CPB1: variants seen among roughly 807,000 people sequenced by gnomAD.
CPB1 encodes carboxypeptidase B1.
In CPB1, 53 loss-of-function variants were observed where a neutral mutation model predicts 51.4. The ratio of observed to expected loss-of-function variants is 1.03; its 90% CI spans 0.83 to 1.30. The LOEUF (loss-of-function observed/expected upper bound fraction) is 1.30, where lower values mean the gene tolerates loss of function less well. CPB1 is among the 50% of genes most tolerant of loss of function. The pLI, the probability that CPB1 is intolerant of heterozygous loss-of-function variation, is 0.00. For missense variants in CPB1, 494 were observed against 516.2 expected, an observed-to-expected ratio of 0.96 and a Z score of 0.42; for synonymous variants, 189 against 186.9, an observed-to-expected ratio of 1.01 and a Z score of -0.09.
At chr3:148,836,830 C>T (rs1166480384) in intron 3 of CPB1, among the ~76,000 whole-genome samples, 2 of 152,082 alleles carry the variant, frequency 1.3e-5, no homozygotes, top group African/African-American at 2.4e-5. Flanking sequence ...CATATGGTAA[C>T]TAGTATTTAG....
At chr3:148,837,815 TTAAC>T (rs1293081385) in intron 3 of CPB1, among the ~76,000 whole-genome samples, 1 of 152,028 alleles carries the variant, frequency 6.6e-6, no homozygotes, top group African/African-American at 2.4e-5. Context: ...CATCTTCAAT[TTAAC>T]TAACTGGTTT....
At chr3:148,841,098 C>T in intron 5 of CPB1, 123 bp downstream of exon 5, 1 of 734,836 alleles carries the variant, frequency 1.4e-6, no homozygotes, top group Non-Finnish European at 2.2e-6. Context: ...TTCCTGCCTA[C>T]ATCCCCGAGG....
chr3:148,842,712 A>G (rs537906112), intron 6 of CPB1, among the ~76,000 whole-genome samples: 1 of 152,222 alleles, frequency 6.6e-6, no homozygotes, highest in East Asian at 1.9e-4. Flanking sequence ...GAGAAACAGG[A>G]TATTTACAGA....
chr3:148,847,528 G>A (rs1713293675), intron 9 of CPB1, among the ~76,000 whole-genome samples: 1 of 152,060 alleles, frequency 6.6e-6, no homozygotes, highest in Non-Finnish European at 1.5e-5. Context: ...GCCAAATGGT[G>A]TAAAAATGTT....
intron 2 of CPB1, 85 bp from the exon 3 acceptor site, chr3:148,834,413 C>A: frequency 8.0e-7 from 1 of 1,250,064 alleles, no homozygotes; most frequent in Non-Finnish European, 1.2e-6. Context: ...GAAAATAACT[C>A]AATTCAGTAG....
chr3:148,831,784 T>C (rs1383404218), intron 2 of CPB1, among the ~76,000 whole-genome samples: 1 of 152,214 alleles, frequency 6.6e-6, no homozygotes, highest in African/African-American at 2.4e-5. Context: ...ATCTACATCC[T>C]ATATTTCACT....
rs142008836 is a variant in CPB1, at chr3:148,844,504, C to G, written c.603C>G (p.Ile201Met). ...REAVRTYGRE[I>M]QVTELLDKLD... The stretch of plus-strand genomic sequence containing the variant: ...CTGTTCGTACCTATGGACGTGAGAT[C>G]CAAGTGACAGAGCTTCTCGACAAGT... Residue 201 changes from isoleucine to methionine, a missense_variant, in exon 7 of 11, where the codon ATC becomes ATG. Transcript: ENST00000282957. The G allele has an allele frequency of 6.2e-7, 1 of 1,613,824 alleles. No individual in the cohort carries two copies. Among genetic ancestry groups the G allele is most frequent in the African/African-American group, 1.3e-5 (1 of 75,044 alleles).
At chr3:148,840,018 G>A (rs1471408625) in intron 3 of CPB1, among the ~76,000 whole-genome samples, 1 of 151,972 alleles carries the variant, frequency 6.6e-6, no homozygotes, top group Non-Finnish European at 1.5e-5. Flanking sequence ...TAAATAGTAG[G>A]CCTCAAAGAT....
At chr3:148,833,713 G>A (rs933963867) in intron 2 of CPB1, among the ~76,000 whole-genome samples, 3 of 150,590 alleles carry the variant, frequency 2.0e-5, no homozygotes, top group African/African-American at 7.4e-5. Flanking sequence ...ACTGAAAGGT[G>A]TTACTTAAAA....
At position 148,833,402 on chromosome 3, in the gene CPB1, C is replaced by T. The variant is rs557657162; in HGVS notation, c.148-1096C>T. Among the ~76,000 whole-genome samples, 83 of 152,308 alleles carry T rather than the reference C, an allele frequency of 5.4e-4. 2 individuals carry two copies. In the South Asian group the frequency reaches 0.017, roughly 31 times the overall value. ...AGAATATAGGTTACTGGGAGCCCCACAAGTGTATCTGAAACTGAGATGCCT... is the reference window on the plus strand; with the variant it reads ...AGAATATAGGTTACTGGGAGCCCCATAAGTGTATCTGAAACTGAGATGCCT... On this transcript the variant is annotated intron_variant, in intron 2 of 10. Transcript: ENST00000282957.
chr3:148,833,040 A>G (rs11711637), intron 2 of CPB1, among the ~76,000 whole-genome samples: 35,964 of 152,100 alleles, frequency 0.24, 4,799 homozygotes, highest in South Asian at 0.41. Flanking sequence ...GCTTTCTCTT[A>G]TAATGTGCTT....
At chr3:148,846,797 G>GTGTGTGTGTGTGTA (rs1364486523) in intron 9 of CPB1, among the ~76,000 whole-genome samples, 87 of 50,492 alleles carry the variant, frequency 1.7e-3, no homozygotes, top group East Asian at 7.1e-3. Context: ...GTGTGCGTGT[G>GTGTGTGTGTGTGTA]TATATATATA....
intron 2 of CPB1, 47 bp downstream of exon 2, chr3:148,828,124 A>G (rs1294021580): frequency 1.4e-6 from 2 of 1,416,500 alleles, no homozygotes; most frequent in Non-Finnish European, 2.0e-6. Flanking sequence ...AAAATCTTAG[A>G]TCGCACTGTG....
At chr3:148,855,322 C>T (rs1024407032) in intron 9 of CPB1, 1 of 152,078 alleles carries the variant, frequency 6.6e-6, no homozygotes, top group African/African-American at 2.4e-5. Flanking sequence ...AAGCTCACAT[C>T]AACCTCAGAT....
Position 148,859,856 on chromosome 3 carries a change from G to A in CPB1, c.1108G>A (p.Gly370Arg), listed in dbSNP as rs1363216442. ...GGSDDWAYDQ[G>R]IRYSFTFELR... Reference sequence around the variant, plus strand: ...CTCTGACGACTGGGCTTATGACCAAGGAATCAGATATTCCTTCACCTTTGA... The same window carrying A: ...CTCTGACGACTGGGCTTATGACCAAAGAATCAGATATTCCTTCACCTTTGA... The change falls in exon 11 of 11, where the codon GGA becomes AGA. Residue 370 changes from glycine to arginine, a missense_variant. Physicochemically the swap from Gly to Arg is moderately radical, Grantham distance 125. Transcript: ENST00000282957. 1.2e-5 allele frequency: 19 copies of A among 1,613,914 alleles called. No individual in the cohort carries two copies. The highest frequency in any genetic ancestry group is 1.5e-5 in the Non-Finnish European group (18 of 1,179,990).
At chr3:148,846,407 A>C (rs928268507) in intron 9 of CPB1, among the ~76,000 whole-genome samples, 1 of 152,068 alleles carries the variant, frequency 6.6e-6, no homozygotes, top group Non-Finnish European at 1.5e-5. Context: ...CAATAAACTA[A>C]AAGAGCAAAT....
rs569193874 is a variant in CPB1 at position 148,847,529 on chromosome 3, T to TA, written c.981+1908dup. ...CAATTCACATGTGTGCCAAATGGTG[T>TA]AAAAATGTTCCAACAGAACATGAGT... On this transcript the variant is annotated intron_variant, in intron 9 of 10. Transcript: ENST00000282957. Among the ~76,000 whole-genome samples, 278 of 152,192 alleles carry TA rather than the reference T, an allele frequency of 1.8e-3. 1 individual carries two copies. Among genetic ancestry groups the TA allele is most frequent in the Admixed American group, 3.1e-3 (47 of 15,272 alleles).
intron 3 of CPB1, among the ~76,000 whole-genome samples, chr3:148,838,753 C>G (rs1349940585): frequency 6.6e-6 from 1 of 152,150 alleles, no homozygotes; most frequent in Non-Finnish European, 1.5e-5. Flanking sequence ...ATTTACTAAT[C>G]AAATGACCCC....
chr3:148,828,713 A>ACTTGGG (rs1334840074), intron 2 of CPB1, among the ~76,000 whole-genome samples: 1 of 152,222 alleles, frequency 6.6e-6, no homozygotes, highest in African/African-American at 2.4e-5. Context: ...ATTGCTGACC[A>ACTTGGG]CAAATACAGT....
Sources: gnomAD v4.1 joint callset for allele counts (sites outside exome capture counted in the v4.1 genomes callset) on GRCh38, gnomAD v4.1.1 for gene constraint, MANE v1.5 for transcripts, NCBI Gene and HGNC (gene_info 2026-07-23, HGNC 2026-07-21) for gene names.